ZNF827: variants seen among roughly 807,000 people sequenced by gnomAD.
ZNF827 encodes zinc finger protein 827.
ZNF827 carries 13 observed loss-of-function variants against 102.4 expected under a neutral mutation model. The ratio of observed to expected loss-of-function variants is 0.13; its 90% CI spans 0.08 to 0.20. ZNF827 has a LOEUF of 0.20. Ranked by LOEUF, ZNF827 falls within the 10% of genes least tolerant of loss-of-function variation. The pLI is 1.00. For synonymous variants in ZNF827, 523 were observed against 536.2 expected (o/e 0.98, Z 0.34); for missense variants, 1,103 against 1,344.4 (o/e 0.82, Z 2.81).
At chr4:145,845,786 C>T (rs565293864) in intron 7 of ZNF827, among the ~76,000 whole-genome samples, 170 bp downstream of exon 7, 35 of 152,204 alleles carry the variant, frequency 2.3e-4, no homozygotes, top group African/African-American at 5.5e-4. Context: ...TCCTCCTTTA[C>T]GTCTGTATTG....
chr4:145,768,330 A>G (rs944138707), intron 11 of ZNF827, among the ~76,000 whole-genome samples: 13 of 151,898 alleles, frequency 8.6e-5, no homozygotes, highest in African/African-American at 2.4e-4. Flanking sequence ...ATGCCTGGCT[A>G]ATTTTTGTAT....
chr4:145,830,104 T>C (rs140164836), intron 7 of ZNF827, among the ~76,000 whole-genome samples: 48 of 152,302 alleles, frequency 3.2e-4, no homozygotes, highest in African/African-American at 2.2e-4. Flanking sequence ...GGAATATGCA[T>C]GTTAGAGAAT....
chr4:145,866,978 A>C (rs547889271), intron 5 of ZNF827, among the ~76,000 whole-genome samples: 1 of 152,364 alleles, frequency 6.6e-6, no homozygotes, highest in African/African-American at 2.4e-5. Flanking sequence ...GGTACTCTGA[A>C]TCTCTTACAC....
chr4:145,796,448 G>T (rs867778054), intron 8 of ZNF827, among the ~76,000 whole-genome samples: 4 of 152,152 alleles, frequency 2.6e-5, no homozygotes, highest in South Asian at 2.1e-4. Context: ...GACCTTATCT[G>T]GTCACTTGCA....
At chr4:145,874,061 A>G (rs1748939059) in intron 4 of ZNF827, among the ~76,000 whole-genome samples, 2 of 152,112 alleles carry the variant, frequency 1.3e-5, no homozygotes, top group South Asian at 4.1e-4. Flanking sequence ...GCAAATCCCA[A>G]CTTCTAGAGA....
chr4:145,804,653 C>T (rs1741230516), intron 8 of ZNF827, among the ~76,000 whole-genome samples: 1 of 152,166 alleles, frequency 6.6e-6, no homozygotes. Flanking sequence ...CATCTTGAAC[C>T]TGAACCCTTC....
chr4:145,915,762 G>A (rs2126942408), intron 1 of ZNF827, among the ~76,000 whole-genome samples: 1 of 152,274 alleles, frequency 6.6e-6, no homozygotes, highest in Middle Eastern at 3.4e-3. Flanking sequence ...ATCTAAATTA[G>A]ATATGGGTGA....
At chr4:145,787,908 A>T (rs1739124074) in intron 8 of ZNF827, among the ~76,000 whole-genome samples, 1 of 152,170 alleles carries the variant, frequency 6.6e-6, no homozygotes, top group African/African-American at 2.4e-5. Flanking sequence ...CACAGTAATT[A>T]AATCTCCATC....
rs200287721 is a variant in ZNF827 at position 145,762,181 on chromosome 4, CTG to C, written c.*18-585_*18-584del. Among the ~76,000 whole-genome samples, 1,250 of 152,224 alleles carry C rather than the reference CTG, an allele frequency of 8.2e-3. 12 individuals carry two copies. Among genetic ancestry groups the C allele is most frequent in the African/African-American group, 0.028 (1,166 of 41,530 alleles). On this transcript the variant is annotated intron_variant, in intron 14 of 14. Transcript: ENST00000508784. The surrounding 1 kb of genome is among the most constrained non-coding windows in gnomAD (Gnocchi z 4.9). ...GATGAGAAGGCCTGTGTGTGTCTCT[CTG>C]TGTGAGTGTGTGCATGTGTACATAT...
intron 8 of ZNF827, among the ~76,000 whole-genome samples, chr4:145,803,164 C>T (rs1220824115): frequency 6.6e-6 from 1 of 152,108 alleles, no homozygotes; most frequent in Non-Finnish European, 1.5e-5. Context: ...CATATGCATA[C>T]ACACATATAA....
intron 8 of ZNF827, among the ~76,000 whole-genome samples, chr4:145,814,377 G>C (rs550823984): frequency 7.2e-5 from 11 of 152,262 alleles, no homozygotes; most frequent in Middle Eastern, 6.8e-3. Flanking sequence ...ACCAGAGATT[G>C]GGGGAATTAA....
chr4:145,765,871 C>T lies in ZNF827; in HGVS notation c.2861-133G>A, dbSNP rs1735211227. The T allele has an allele frequency of 3.4e-6, 3 of 886,890 alleles. No individual in the cohort carries two copies. Among genetic ancestry groups the T allele is most frequent in the African/African-American group, 1.7e-5 (1 of 58,866 alleles). 54.9% of individuals were successfully genotyped at this position (886,890 alleles called of 1,614,324 possible). A position where few individuals can be genotyped will look rare whatever the true frequency, so the allele number is the denominator to read the frequency against. ...GCACAGGCTCATGTCCCCAGCTCCC[C>T]CACTGCTGGGGGATCCCAGGTCCTA... On this transcript the variant is annotated intron_variant, in intron 11 of 14. Coordinates refer to ENST00000508784, the MANE Select transcript of ZNF827 (RefSeq NM_001306215.2). The surrounding 1 kb of genome is among the most constrained non-coding windows in gnomAD (Gnocchi z 4.7).
At chr4:145,786,621 G>A (rs1421372294) in intron 8 of ZNF827, among the ~76,000 whole-genome samples, 1 of 152,168 alleles carries the variant, frequency 6.6e-6, no homozygotes, top group African/African-American at 2.4e-5. Flanking sequence ...AGAAAGCAGA[G>A]GGCATGGAAC....
At chr4:145,807,748 G>A (rs1175692929) in intron 8 of ZNF827, among the ~76,000 whole-genome samples, 2 of 149,794 alleles carry the variant, frequency 1.3e-5, no homozygotes, top group Non-Finnish European at 3.0e-5. Flanking sequence ...GGGATTACAG[G>A]CGTGAGCCAC....
chr4:145,908,561 T>C (rs1375205431), intron 1 of ZNF827, among the ~76,000 whole-genome samples: 1 of 152,260 alleles, frequency 6.6e-6, no homozygotes, highest in Non-Finnish European at 1.5e-5. Flanking sequence ...CCATTAGCAT[T>C]ATCAGTTATA....
chr4:145,773,084 G>A (rs1052470485), intron 11 of ZNF827, among the ~76,000 whole-genome samples: 3 of 152,136 alleles, frequency 2.0e-5, no homozygotes, highest in Non-Finnish European at 4.4e-5. Context: ...AGTAAAGAGG[G>A]TTAGAACAAA....
chr4:145,849,766 C>G (rs1746345232), intron 5 of ZNF827, among the ~76,000 whole-genome samples: 1 of 152,036 alleles, frequency 6.6e-6, no homozygotes, highest in South Asian at 2.1e-4. Flanking sequence ...TTTTTTTTAG[C>G]CCAGAGAGAC....
chr4:145,848,504 A>T (rs1306564072), intron 6 of ZNF827, among the ~76,000 whole-genome samples: 2 of 152,206 alleles, frequency 1.3e-5, no homozygotes, highest in African/African-American at 2.4e-5. Context: ...AACATTAGTA[A>T]CAGGCTTTAT....
chr4:145,835,650 T>G (rs1241537574), intron 7 of ZNF827, among the ~76,000 whole-genome samples: 1 of 149,048 alleles, frequency 6.7e-6, no homozygotes, highest in African/African-American at 2.5e-5. Flanking sequence ...AAGTATAAGA[T>G]ACCTCTACTC....
Sources: allele counts gnomAD v4.1 joint callset (sites outside exome capture counted in the v4.1 genomes callset), GRCh38; gene constraint gnomAD v4.1.1; non-coding constraint Gnocchi (gnomAD v3.1); transcripts MANE v1.5; gene names NCBI Gene and HGNC (gene_info 2026-07-23, HGNC 2026-07-21).